COPB2: variants seen among roughly 807,000 people sequenced by gnomAD.
COPB2 encodes coat protein complex I subunit beta 2, also known as coatomer subunit beta'.
In COPB2, 16 loss-of-function variants were observed where a neutral mutation model predicts 120.8. The ratio of observed to expected loss-of-function variants is 0.13; its 90% CI spans 0.09 to 0.20. COPB2 has a LOEUF of 0.20. Among genes scored for constraint, COPB2 ranks in the 10% least tolerant of loss-of-function variants. The pLI is 1.00. For missense variants in COPB2, 794 were observed against 1,076.5 expected (o/e 0.74, Z 3.67); for synonymous variants, 332 against 366.3 (o/e 0.91, Z 1.07).
intron 1 of COPB2, among the ~76,000 whole-genome samples, chr3:139,385,687 T>C (rs1276574042): frequency 6.6e-6 from 1 of 152,232 alleles, no homozygotes; most frequent in East Asian, 1.9e-4. Context: ...TAGTTTATAC[T>C]AGCATTTTCA....
rs751069748 is a variant in COPB2 at position 139,357,866 on chromosome 3, A to G, written c.2718T>C (p.Asp906=). 3.2e-5 allele frequency: 49 copies of G among 1,546,290 alleles called. No individual in the cohort carries two copies. The African/African-American group carries it at 3.3e-4, about 10-fold the overall frequency. Residue 906 remains aspartate (D), a synonymous_variant, in exon 22 of 22, where the codon GAT becomes GAC. Coordinates refer to ENST00000333188, the MANE Select transcript of COPB2 (RefSeq NM_004766.3). ...DINLDEDILD[D] Reference sequence around the variant, plus strand: ...AGGTAAATGGAAAGCATTACAGTCAATCATCCAAAATATCTTCATCCAGAT... The same window carrying G: ...AGGTAAATGGAAAGCATTACAGTCAGTCATCCAAAATATCTTCATCCAGAT...
chr3:139,378,710 T>C (rs1361562753), intron 4 of COPB2, among the ~76,000 whole-genome samples: 1 of 152,240 alleles, frequency 6.6e-6, no homozygotes, highest in East Asian at 1.9e-4. Context: ...AGTTTGAATA[T>C]AAAGATTGAA....
At chr3:139,378,414 GA>G (rs1459182602) in intron 4 of COPB2, among the ~76,000 whole-genome samples, 1 of 152,046 alleles carries the variant, frequency 6.6e-6, no homozygotes, top group Non-Finnish European at 1.5e-5. Context: ...ATTAGAAATA[GA>G]AAATATAAAA....
intron 1 of COPB2, among the ~76,000 whole-genome samples, chr3:139,385,941 T>A (rs1326961794): frequency 6.6e-6 from 1 of 152,224 alleles, no homozygotes; most frequent in Non-Finnish European, 1.5e-5. Context: ...CTGTCAAATC[T>A]TTATTGCTGT....
At chr3:139,381,325 T>C (rs991897869) in intron 2 of COPB2, 2 of 152,346 alleles carry the variant, frequency 1.3e-5, no homozygotes, top group South Asian at 2.1e-4. Context: ...CTAAAAACCT[T>C]TTTACTTCCA....
chr3:139,373,679 C>T lies in COPB2; in HGVS notation c.881G>A (p.Ser294Asn). The T allele has an allele frequency of 6.2e-7, 1 of 1,614,070 alleles. No individual in the cohort carries two copies. The highest frequency in any genetic ancestry group is 8.5e-7 in the Non-Finnish European group (1 of 1,179,990). Reference protein sequence around the residue: ...NNVALGYDEGSIIVKLGREEP... With the variant: ...NNVALGYDEGNIIVKLGREEP... The stretch of plus-strand genomic sequence containing the variant: ...TAGTATAATTACCTTAACAATGATG[C>T]TCCCTTCATCATAGCCCAAAGCGAC... Residue 294 changes from serine (S) to asparagine (N), a missense_variant, in exon 8 of 22, where the codon AGC (serine) becomes AAC (asparagine). Transcript: ENST00000333188.
intron 10 of COPB2, among the ~76,000 whole-genome samples, chr3:139,369,828 AC>A (rs1489047041): frequency 6.6e-6 from 1 of 152,228 alleles, no homozygotes; most frequent in Non-Finnish European, 1.5e-5. Flanking sequence ...GAATGATTAA[AC>A]AAATTATCGT....
At position 139,378,122 on chromosome 3, in the gene COPB2, G is replaced by A. The variant is rs1451244991; in HGVS notation, c.423C>T (p.His141=). The A allele has an allele frequency of 6.3e-7, 1 of 1,593,364 alleles. No individual in the cohort carries two copies. Among genetic ancestry groups the A allele is most frequent in the Non-Finnish European group, 8.6e-7 (1 of 1,164,932 alleles). Residue 141 remains histidine (H), a synonymous_variant, in exon 5 of 22, where the codon CAC becomes CAT. Transcript: ENST00000333188. ...KWSCSQVFEG[H]THYVMQIVIN... is the part of the protein sequence containing the mutation. ...TCACAATCTGCATAACATAATGGGT[G>A]TGTCCTTCAAACACTTGTGAGCAAG...
At chr3:139,377,605 C>G (rs1335352375) in intron 5 of COPB2, among the ~76,000 whole-genome samples, 2 of 152,142 alleles carry the variant, frequency 1.3e-5, no homozygotes, top group Admixed American at 1.3e-4. Context: ...AGATCAGGAA[C>G]TGTTTCAGAA....
At chr3:139,385,638 A>C (rs1056233071) in intron 1 of COPB2, among the ~76,000 whole-genome samples, 1 of 152,264 alleles carries the variant, frequency 6.6e-6, no homozygotes, top group Non-Finnish European at 1.5e-5. Context: ...AAAATTTAAA[A>C]CAAAAATAAA....
At chr3:139,382,858 TATAA>T (rs2107810001) in intron 2 of COPB2, 1 of 172,584 alleles carries the variant, frequency 5.8e-6, no homozygotes, top group African/African-American at 2.4e-5. Context: ...AAAAGCTGAC[TATAA>T]ATATTTCCCT....
intron 1 of COPB2, among the ~76,000 whole-genome samples, chr3:139,384,592 T>A (rs1224973458): frequency 6.6e-6 from 1 of 152,220 alleles, no homozygotes; most frequent in Admixed American, 6.5e-5. Flanking sequence ...CTACAAGTGT[T>A]TCCCCTTGAG....
chr3:139,373,236 A>C lies in COPB2; in HGVS notation c.1071T>G (p.Thr357=). Residue 357 remains threonine, a synonymous_variant, in exon 9 of 22, where the codon ACT becomes ACG. Coordinates refer to ENST00000333188, the MANE Select transcript of COPB2 (RefSeq NM_004766.3). ...DMGSCEIYPQ[T]IQHNPNGRFV... ...ACCGCCCATTAGGATTGTGCTGAAT[A>C]GTCTGAGGGTATATTTCACAACTGC... The C allele has an allele frequency of 1.9e-6, 3 of 1,614,064 alleles. No homozygotes were observed. The highest frequency in any genetic ancestry group is 1.7e-4 in the Middle Eastern group (1 of 6,058).
rs531292042 is a variant in COPB2 at position 139,375,605 on chromosome 3, A to G, written c.514T>C (p.Leu172=). The change falls in exon 6 of 22, where the codon TTG becomes CTG. Residue 172 remains leucine, a synonymous_variant. Transcript: ENST00000333188. ...SLDRTIKVWQ[L]GSSSPNFTLE... is the part of the protein sequence containing the mutation. Reference sequence around the variant, plus strand: ...GTGAAGTTTGGTGACGAAGAGCCCAACTGCCACACCTGCAGAGAGAAACAG... The same window carrying G: ...GTGAAGTTTGGTGACGAAGAGCCCAGCTGCCACACCTGCAGAGAGAAACAG... 1 of 1,613,654 alleles carries G rather than the reference A, an allele frequency of 6.2e-7. No homozygotes were observed. The highest frequency in any genetic ancestry group is 1.7e-5 in the Admixed American group (1 of 60,012).
intron 8 of COPB2, 110 bp downstream of exon 8, chr3:139,373,556 T>G (rs1024122416): frequency 9.8e-6 from 15 of 1,533,624 alleles, no homozygotes; most frequent in Non-Finnish European, 1.2e-5. Flanking sequence ...TAGTGCTTAA[T>G]GAAAGAAGTG....
chr3:139,367,938 CA>C, intron 13 of COPB2, among the ~76,000 whole-genome samples: 1 of 152,268 alleles, frequency 6.6e-6, no homozygotes, highest in East Asian at 1.9e-4. Context: ...TTCTTAAAAT[CA>C]AAGTACAAAT....
intron 17 of COPB2, 62 bp from the exon 18 acceptor site, chr3:139,359,424 A>T (rs1941368225): frequency 1.3e-6 from 2 of 1,488,442 alleles, no homozygotes; most frequent in Non-Finnish European, 1.8e-6. Context: ...TGGGTACTTA[A>T]CACAAAGTAA....
chr3:139,371,594 G>A, intron 10 of COPB2, 129 bp downstream of exon 10: 1 of 690,476 alleles, frequency 1.4e-6, no homozygotes, highest in Non-Finnish European at 2.4e-6. Context: ...ATCTTCCAAT[G>A]GACAGCTCTG....
chr3:139,370,177 T>C (rs117633737), intron 10 of COPB2, among the ~76,000 whole-genome samples: 1 of 152,348 alleles, frequency 6.6e-6, no homozygotes, highest in East Asian at 1.9e-4. Flanking sequence ...CCAAATCTAC[T>C]GACATGAACA....
Sources: allele counts gnomAD v4.1 joint callset (sites outside exome capture counted in the v4.1 genomes callset), GRCh38; gene constraint gnomAD v4.1.1; transcripts MANE v1.5; gene names NCBI Gene and HGNC (gene_info 2026-07-23, HGNC 2026-07-21).